PAX5: variants seen among roughly 807,000 people sequenced by gnomAD.
The protein encoded by PAX5 is paired box 5, also known as paired box protein Pax-5.
PAX5 carries 9 observed loss-of-function variants against 43.7 expected under a neutral mutation model. That is an observed-to-expected ratio of 0.21 (90% CI 0.12 to 0.36). The LOEUF is 0.36. Among genes scored for constraint, PAX5 ranks in the 10% least tolerant of loss-of-function variants. The pLI is 1.00. For missense variants in PAX5, 383 were observed against 532.7 expected (o/e 0.72, Z 2.77); for synonymous variants, 228 against 214.3 (o/e 1.06, Z -0.56).
chr9:37,001,224 G>A, intron 5 of PAX5, among the ~76,000 whole-genome samples: 1 of 152,222 alleles, frequency 6.6e-6, no homozygotes. Flanking sequence ...GCCAGAACCT[G>A]TCTGTTTGGT....
At chr9:37,028,709 G>A (rs1840671049) in intron 1 of PAX5, among the ~76,000 whole-genome samples, 1 of 152,236 alleles carries the variant, frequency 6.6e-6, no homozygotes, top group Non-Finnish European at 1.5e-5. Flanking sequence ...CCTGAAGCGG[G>A]CGGGTGGACA....
intron 2 of PAX5, among the ~76,000 whole-genome samples, chr9:37,020,020 T>C (rs1221725139): frequency 6.6e-6 from 1 of 152,044 alleles, no homozygotes; most frequent in Non-Finnish European, 1.5e-5. Context: ...AGAAGCCTCA[T>C]TGTTAGTATT....
intron 6 of PAX5, among the ~76,000 whole-genome samples, chr9:36,964,122 A>T (rs529464412): frequency 6.6e-6 from 1 of 152,166 alleles, no homozygotes; most frequent in East Asian, 1.9e-4. Flanking sequence ...CTACTAAAAA[A>T]TAGAAAAAAT....
chr9:36,957,801 C>T (rs923219530), intron 6 of PAX5, among the ~76,000 whole-genome samples: 2 of 152,170 alleles, frequency 1.3e-5, no homozygotes, highest in Non-Finnish European at 2.9e-5. Flanking sequence ...TCCTTCAAGT[C>T]CCCAAGTCCC....
chr9:37,031,488 A>C (rs1401835147), intron 1 of PAX5, among the ~76,000 whole-genome samples: 1 of 152,000 alleles, frequency 6.6e-6, no homozygotes, highest in Non-Finnish European at 1.5e-5. Flanking sequence ...GGATCTAAGG[A>C]CTCAAGGGTT....
In PAX5 at chr9:36,984,435, C is replaced by CTTTTTTTTTTTTTTTTTTTTTTTTTT. The variant is rs10663927; in HGVS notation, c.605-17712_605-17711insAAAAAAAAAAAAAAAAAAAAAAAAAA. Among the ~76,000 whole-genome samples, 10 of 66,882 alleles carry CTTTTTTTTTTTTTTTTTTTTTTTTTT rather than the reference C, an allele frequency of 1.5e-4. 2 individuals are homozygous for CTTTTTTTTTTTTTTTTTTTTTTTTTT. Among genetic ancestry groups the CTTTTTTTTTTTTTTTTTTTTTTTTTT allele is most frequent in the African/African-American group, 6.0e-4 (9 of 15,110 alleles). 43.9% of individuals were successfully genotyped at this position (66,882 alleles called of 152,430 possible). A position where few individuals can be genotyped will look rare whatever the true frequency, so the allele number is the denominator to read the frequency against. On this transcript the variant is annotated intron_variant, in intron 5 of 9. Transcript: ENST00000358127. ...GCCCTGGATTGGTTATTGAACCTCT[C>CTTTTTTTTTTTTTTTTTTTTTTTTTT]TTTTTTTTTTTTTTTTTTTTTTGAG...
At position 36,863,929 on chromosome 9, in the gene PAX5, T is replaced by C. The variant is rs142583150; in HGVS notation, c.1013-17000A>G. 3.8e-3 allele frequency among the ~76,000 whole-genome samples: 578 copies of C among 152,232 alleles called. 3 individuals are homozygous for C. The highest frequency in any genetic ancestry group is 0.013 in the African/African-American group (553 of 41,522). ...CTCAAGACCAGCCTGGCCAACATGG[T>C]GAAACCCCGTCTCTACTAAAAATAC... On this transcript the variant is annotated intron_variant, in intron 8 of 9. Transcript: ENST00000358127.
chr9:36,970,275 C>T (rs183251445), intron 5 of PAX5, among the ~76,000 whole-genome samples: 3 of 152,024 alleles, frequency 2.0e-5, no homozygotes, highest in African/African-American at 7.2e-5. Flanking sequence ...TGAGGAGTGA[C>T]CAGGGAGAGG....
rs893472457 is a variant in PAX5 at position 36,834,667 on chromosome 9, C to G, written c.*5893G>C. ...TATTCATGCTTGAAAAGAAGGGCGC[C>G]ATTAAATGGTTTCCTTTCTGTTCCA... On this transcript the variant is annotated 3_prime_UTR_variant, in exon 10 of 10. Transcript: ENST00000358127. 1 of 233,104 alleles carries G rather than the reference C, an allele frequency of 4.3e-6. No homozygotes were observed. Among genetic ancestry groups the G allele is most frequent in the African/African-American group, 2.2e-5 (1 of 45,296 alleles). The allele number at this position is 233,104 out of a possible 1,614,324, so 14.4% of individuals were successfully genotyped here. A position where few individuals can be genotyped will look rare whatever the true frequency, so the allele number is the denominator to read the frequency against.
intron 6 of PAX5, among the ~76,000 whole-genome samples, chr9:36,934,801 T>C (rs1295008144): frequency 6.6e-6 from 1 of 152,222 alleles, no homozygotes; most frequent in East Asian, 1.9e-4. Context: ...AGCTAGAGTG[T>C]GAGCTTCATA....
At chr9:36,967,511 G>A (rs1274059444) in intron 5 of PAX5, among the ~76,000 whole-genome samples, 1 of 152,194 alleles carries the variant, frequency 6.6e-6, no homozygotes, top group African/African-American at 2.4e-5. Context: ...CAGCTGAAAA[G>A]GAATGAGGCT....
intron 6 of PAX5, among the ~76,000 whole-genome samples, chr9:36,933,178 T>G (rs1250537129): frequency 6.8e-6 from 1 of 147,840 alleles, no homozygotes; most frequent in African/African-American, 2.5e-5. Context: ...AGAAAGAAAG[T>G]CTCCATAGTT....
chr9:36,896,408 T>C (rs1827869982), intron 7 of PAX5, among the ~76,000 whole-genome samples: 1 of 151,862 alleles, frequency 6.6e-6, no homozygotes, highest in South Asian at 2.1e-4. Context: ...AGGAGGCCCA[T>C]ACGAGACAGG....
intron 1 of PAX5, among the ~76,000 whole-genome samples, chr9:37,028,026 C>T (rs1373266685): frequency 6.6e-6 from 1 of 152,244 alleles, no homozygotes; most frequent in African/African-American, 2.4e-5. Context: ...CGGGCTGGAC[C>T]TCCCCACAGC....
Position 37,033,848 on chromosome 9 carries a change from AT to A in PAX5, c.46+137del. The A allele has an allele frequency of 4.3e-6, 3 of 700,068 alleles. No homozygotes were observed. The South Asian group carries it at 4.8e-5, about 11-fold the overall frequency. The allele number at this position is 700,068 out of a possible 1,614,324, so 43.4% of individuals were successfully genotyped here. ...TGTGTGAACAGATAGGTGAAAAAACATAACAAACACGCCGCAGTTAGACAGT... is the reference window on the plus strand; with the variant it reads ...TGTGTGAACAGATAGGTGAAAAAACAAACAAACACGCCGCAGTTAGACAGT... On this transcript the variant is annotated intron_variant, in intron 1 of 9. Coordinates refer to ENST00000358127, the MANE Select transcript of PAX5 (RefSeq NM_016734.3).
intron 7 of PAX5, among the ~76,000 whole-genome samples, chr9:36,915,199 A>C (rs1390623696): frequency 6.6e-6 from 1 of 152,234 alleles, no homozygotes; most frequent in Admixed American, 6.5e-5. Flanking sequence ...GTTCTGAGTC[A>C]AGCAAGTAAA....
chr9:36,969,191 A>G (rs1834711985), intron 5 of PAX5, among the ~76,000 whole-genome samples: 1 of 152,110 alleles, frequency 6.6e-6, no homozygotes, highest in South Asian at 2.1e-4. Context: ...CCTGTCAGCC[A>G]TCTCCTAACA....
Position 36,947,959 on chromosome 9 carries a change from G to A in PAX5, c.780+18590C>T, listed in dbSNP as rs139886448. On this transcript the variant is annotated intron_variant, in intron 6 of 9. Coordinates refer to ENST00000358127, the MANE Select transcript of PAX5 (RefSeq NM_016734.3). Reference sequence around the variant, plus strand: ...GTTGCCCCTGGTGAAAGGCAGAGCCGTGTCTATATCACTGAGACATTCCCT... The same window carrying A: ...GTTGCCCCTGGTGAAAGGCAGAGCCATGTCTATATCACTGAGACATTCCCT... Among the ~76,000 whole-genome samples the A allele has an allele frequency of 4.6e-5, 7 of 152,164 alleles. No homozygotes were observed. In the East Asian group the frequency reaches 7.7e-4, roughly 17 times the overall value.
Position 37,011,128 on chromosome 9 carries a change from C to CAA in PAX5, c.410+3867_410+3868dup, listed in dbSNP as rs1225031293. ...AGAGTGAGACCCTGTCTCAAAAAAA[C>CAA]AAAAAAAAAAAAAAAAAAAGAAAGA... is the stretch of plus-strand genomic sequence containing the variant. On this transcript the variant is annotated intron_variant, in intron 3 of 9. Coordinates refer to ENST00000358127, the MANE Select transcript of PAX5 (RefSeq NM_016734.3). 6.6e-3 allele frequency among the ~76,000 whole-genome samples: 665 copies of CAA among 100,910 alleles called. 5 individuals are homozygous for CAA. Among genetic ancestry groups the CAA allele is most frequent in the African/African-American group, 0.02 (628 of 31,168 alleles). The allele number at this position is 100,910 out of a possible 152,430, so 66.2% of individuals were successfully genotyped here.
Sources: gnomAD v4.1 joint callset for allele counts (sites outside exome capture counted in the v4.1 genomes callset) on GRCh38, gnomAD v4.1.1 for gene constraint, MANE v1.5 for transcripts, NCBI Gene and HGNC (gene_info 2026-07-23, HGNC 2026-07-21) for gene names.